Variants in SLC24A3 observed in about 807,000 individuals in gnomAD.
SLC24A3 encodes solute carrier family 24 member 3, also known as sodium/potassium/calcium exchanger 3.
SLC24A3 carries 28 observed loss-of-function variants against 75.8 expected under a neutral mutation model. The ratio of observed to expected loss-of-function variants is 0.37; its 90% CI spans 0.27 to 0.51. SLC24A3 has a LOEUF of 0.51. Ranked by LOEUF, SLC24A3 falls within the 20% of genes least tolerant of loss-of-function variation. SLC24A3 has a pLI of 0.94. For synonymous variants in SLC24A3, 372 were observed against 334.1 expected (o/e 1.11, Z -1.24); for missense variants, 663 against 847.8 (o/e 0.78, Z 2.71).
In SLC24A3 at chr20:19,363,695, G is replaced by C. The variant is rs187172170; in HGVS notation, c.271+82608G>C. Among the ~76,000 whole-genome samples the C allele has an allele frequency of 2.7e-3, 406 of 152,270 alleles. 16 individuals are homozygous for C. Among genetic ancestry groups the C allele is most frequent in the Admixed American group, 0.026 (395 of 15,294 alleles). On this transcript the variant is annotated intron_variant, in intron 2 of 16. Coordinates refer to ENST00000328041, the MANE Select transcript of SLC24A3 (RefSeq NM_020689.4). The stretch of plus-strand genomic sequence containing the variant: ...CCTCGTGTGGCTTATTGTTTTTAGA[G>C]CATGCTAGAGAACTACAACAGACTG...
At chr20:19,453,970 ACTG>A (rs1311661588) in intron 2 of SLC24A3, among the ~76,000 whole-genome samples, 5 of 152,358 alleles carry the variant, frequency 3.3e-5, no homozygotes, top group Non-Finnish European at 7.3e-5. Context: ...CAGCGCCAAC[ACTG>A]CTGACAGAGC....
At chr20:19,252,647 G>C (rs1010089124) in intron 1 of SLC24A3, among the ~76,000 whole-genome samples, 2 of 148,088 alleles carry the variant, frequency 1.4e-5, no homozygotes, top group South Asian at 2.2e-4. Context: ...GAATGGCGGG[G>C]GGGGGTGCCT....
At chr20:19,715,980 C>T (rs138657474) in intron 15 of SLC24A3, among the ~76,000 whole-genome samples, 13 of 152,300 alleles carry the variant, frequency 8.5e-5, no homozygotes, top group African/African-American at 2.9e-4. Context: ...TCCACAGAAC[C>T]CTTGGAGAAC....
chr20:19,577,847 T>G (rs368967413), intron 3 of SLC24A3, among the ~76,000 whole-genome samples: 34 of 152,346 alleles, frequency 2.2e-4, no homozygotes, highest in African/African-American at 7.5e-4. Context: ...ATATAACCCA[T>G]TCCCCAAGGT....
chr20:19,427,725 T>C (rs1987035924), intron 2 of SLC24A3, among the ~76,000 whole-genome samples: 1 of 152,088 alleles, frequency 6.6e-6, no homozygotes, highest in Non-Finnish European at 1.5e-5. Context: ...AGGATAAAGA[T>C]CTCTCCTGGA....
intron 2 of SLC24A3, among the ~76,000 whole-genome samples, chr20:19,317,831 G>A (rs1263175546): frequency 6.6e-6 from 1 of 152,168 alleles, no homozygotes; most frequent in Non-Finnish European, 1.5e-5. Flanking sequence ...GTGCCCTCGG[G>A]CATCACAGCT....
chr20:19,421,738 C>T (rs1198414535), intron 2 of SLC24A3, among the ~76,000 whole-genome samples: 2 of 152,186 alleles, frequency 1.3e-5, no homozygotes, highest in Admixed American at 6.5e-5. Context: ...AGACTCTTAG[C>T]AAAGCAAGAG....
At chr20:19,629,103 A>G (rs1244362174) in intron 6 of SLC24A3, among the ~76,000 whole-genome samples, 2 of 152,082 alleles carry the variant, frequency 1.3e-5, no homozygotes, top group Admixed American at 1.3e-4. Flanking sequence ...AAGAATAACC[A>G]TCATAAAAAT....
chr20:19,585,383 C>A, intron 5 of SLC24A3, 58 bp from the exon 6 acceptor site: 1 of 1,525,532 alleles, frequency 6.6e-7, no homozygotes, highest in Non-Finnish European at 9.0e-7. Context: ...TTCCCCATGC[C>A]CACCTTGGAA....
chr20:19,624,534 T>A (rs2031844478), intron 6 of SLC24A3, among the ~76,000 whole-genome samples: 1 of 152,162 alleles, frequency 6.6e-6, no homozygotes, highest in Non-Finnish European at 1.5e-5. Context: ...AGTCTTCTCA[T>A]GGTGATGGCA....
chr20:19,501,180 T>G (rs1000086227), intron 2 of SLC24A3, among the ~76,000 whole-genome samples: 5 of 152,166 alleles, frequency 3.3e-5, no homozygotes, highest in African/African-American at 4.8e-5. Context: ...CATTCTAACA[T>G]AAGAATGAAG....
chr20:19,323,142 G>C (rs6081569), intron 2 of SLC24A3, among the ~76,000 whole-genome samples: 63,572 of 145,624 alleles, frequency 0.44, 15,294 homozygotes, highest in African/African-American at 0.65. Flanking sequence ...GGAGGCGGAG[G>C]TTGCAGTGAG....
chr20:19,289,278 A>G (rs539735529), intron 2 of SLC24A3, among the ~76,000 whole-genome samples: 55 of 152,254 alleles, frequency 3.6e-4, no homozygotes, highest in African/African-American at 1.3e-3. Context: ...GAAGAGTAAA[A>G]GTTTACCCCC....
At chr20:19,274,324 C>T (rs1027716072) in intron 1 of SLC24A3, among the ~76,000 whole-genome samples, 3 of 151,982 alleles carry the variant, frequency 2.0e-5, no homozygotes, top group African/African-American at 7.2e-5. Flanking sequence ...CCTATCGCCT[C>T]CTGTGGCTTG....
At chr20:19,541,698 T>C (rs1197073476) in intron 3 of SLC24A3, among the ~76,000 whole-genome samples, 1 of 152,192 alleles carries the variant, frequency 6.6e-6, no homozygotes, top group African/African-American at 2.4e-5. Context: ...ACTATAAAAA[T>C]CCCACCTGAG....
intron 2 of SLC24A3, among the ~76,000 whole-genome samples, chr20:19,351,554 C>A (rs772940275): frequency 4.6e-5 from 7 of 152,146 alleles, no homozygotes; most frequent in South Asian, 2.1e-4. Flanking sequence ...GATTAAGCTT[C>A]CCATGGGCCC....
intron 2 of SLC24A3, among the ~76,000 whole-genome samples, chr20:19,296,825 A>AAATC (rs1984072806): frequency 6.6e-6 from 1 of 152,202 alleles, no homozygotes; most frequent in Non-Finnish European, 1.5e-5. Flanking sequence ...ACTTACTTTA[A>AAATC]AATCAATCAC....
chr20:19,424,643 A>G (rs1045586937), intron 2 of SLC24A3, among the ~76,000 whole-genome samples: 4 of 148,496 alleles, frequency 2.7e-5, no homozygotes, highest in Non-Finnish European at 6.0e-5. Context: ...CCAAGAGCCT[A>G]GGTTGTGGAG....
At chr20:19,379,909 A>G (rs1178059609) in intron 2 of SLC24A3, among the ~76,000 whole-genome samples, 2 of 152,234 alleles carry the variant, frequency 1.3e-5, no homozygotes, top group Non-Finnish European at 2.9e-5. Context: ...TGACCCAGAC[A>G]TAGGCTGGCT....
Sources: allele counts gnomAD v4.1 joint callset (sites outside exome capture counted in the v4.1 genomes callset), GRCh38; gene constraint gnomAD v4.1.1; transcripts MANE v1.5; gene names NCBI Gene and HGNC (gene_info 2026-07-23, HGNC 2026-07-21).